The following STARD13 variants were observed in gnomAD, a reference collection of about 807,000 sequenced individuals.
STARD13 encodes StAR related lipid transfer domain containing 13, also known as stAR-related lipid transfer protein 13.
Under a neutral mutation model 106.4 loss-of-function variants are expected in STARD13, and 62 were observed. The observed-to-expected ratio is 0.58, with a 90% CI of 0.48 to 0.72. The LOEUF (loss-of-function observed/expected upper bound fraction) is 0.72, where lower values mean the gene tolerates loss of function less well. STARD13 is among the 30% of genes least tolerant of loss of function. The probability of loss-of-function intolerance (pLI) is 0.00; values close to 1 mark genes in which losing one functional copy is unlikely to be tolerated. For synonymous variants in STARD13, 565 were observed against 553.0 expected (o/e 1.02, Z -0.31); for missense variants, 1,387 against 1,424.0 (o/e 0.97, Z 0.42).
intron 1 of STARD13, among the ~76,000 whole-genome samples, chr13:33,211,906 A>G (rs1040469002): frequency 1.1e-4 from 17 of 152,160 alleles, no homozygotes; most frequent in Admixed American, 1.3e-4. Context: ...ATGTCTATAC[A>G]TACTTGTACA....
chr13:33,507,672 CTTAACTG>C, the STARD13 span, among the ~76,000 whole-genome samples: 2 of 152,172 alleles, frequency 1.3e-5, no homozygotes, highest in Non-Finnish European at 2.9e-5. Flanking sequence ...CCCAAGAAAA[CTTAACTG>C]TTAACACAGC....
the STARD13 span, among the ~76,000 whole-genome samples, chr13:33,591,010 A>C: frequency 6.6e-6 from 1 of 152,380 alleles, no homozygotes; most frequent in South Asian, 2.1e-4. Flanking sequence ...TTAAAATTTA[A>C]CATATGCAAC....
the STARD13 span, among the ~76,000 whole-genome samples, chr13:33,615,116 C>A: frequency 2.0e-5 from 3 of 152,268 alleles, no homozygotes; most frequent in African/African-American, 7.2e-5. Context: ...GAGGTAGAGT[C>A]AACAGAACTT....
At chr13:33,250,956 G>A (rs946494419) in intron 1 of STARD13, among the ~76,000 whole-genome samples, 1 of 152,108 alleles carries the variant, frequency 6.6e-6, no homozygotes, top group Non-Finnish European at 1.5e-5. Context: ...ACTATGCTTT[G>A]AATAAGTGAA....
intron 1 of STARD13, among the ~76,000 whole-genome samples, chr13:33,209,901 A>G (rs61941390): frequency 0.039 from 5,942 of 152,254 alleles, 162 homozygotes; most frequent in Non-Finnish European, 0.059. Flanking sequence ...TGAGCCTAGG[A>G]GGTGGAGGCT....
At chr13:33,313,841 C>CTTT (rs1893230834) in intron 1 of STARD13, among the ~76,000 whole-genome samples, 3 of 152,198 alleles carry the variant, frequency 2.0e-5, no homozygotes, top group African/African-American at 7.2e-5. Flanking sequence ...AAACCTCTTA[C>CTTT]TTTTGCCTAG....
chr13:33,662,611 C>G, the STARD13 span, among the ~76,000 whole-genome samples: 4 of 152,174 alleles, frequency 2.6e-5, no homozygotes, highest in Non-Finnish European at 4.4e-5. Context: ...GGTCACAAGC[C>G]AATCCAGTTC....
chr13:33,432,343 G>A, the STARD13 span, among the ~76,000 whole-genome samples: 4 of 152,070 alleles, frequency 2.6e-5, no homozygotes, highest in African/African-American at 7.2e-5. Context: ...TTAATAATTA[G>A]TTTCTAGAAA....
chr13:33,564,789 C>G, the STARD13 span, among the ~76,000 whole-genome samples: 1 of 145,950 alleles, frequency 6.9e-6, no homozygotes, highest in Non-Finnish European at 1.5e-5. Flanking sequence ...GTCAGGAGAT[C>G]GAGACCATCC....
chr13:33,606,315 G>C, the STARD13 span, among the ~76,000 whole-genome samples: 2 of 151,880 alleles, frequency 1.3e-5, no homozygotes, highest in Non-Finnish European at 2.9e-5. Context: ...AAGAAAAAAA[G>C]AAAAAATGCA....
the STARD13 span, among the ~76,000 whole-genome samples, chr13:33,406,587 C>T: frequency 6.6e-6 from 1 of 152,202 alleles, no homozygotes; most frequent in Non-Finnish European, 1.5e-5. Flanking sequence ...TGGCCAACAG[C>T]ACTGTAACTC....
chr13:33,171,704 G>A (rs983009555), intron 1 of STARD13, among the ~76,000 whole-genome samples: 1 of 152,202 alleles, frequency 6.6e-6, no homozygotes. Context: ...TGGTTGAAAA[G>A]GGAGATATCC....
At chr13:33,673,011 T>C in the STARD13 span, among the ~76,000 whole-genome samples, 1 of 152,206 alleles carries the variant, frequency 6.6e-6, no homozygotes, top group Non-Finnish European at 1.5e-5. Context: ...ATGCATAAGT[T>C]CCTTTTAGAG....
chr13:33,269,472 G>A (rs1594193134), intron 1 of STARD13, among the ~76,000 whole-genome samples: 4 of 152,152 alleles, frequency 2.6e-5, no homozygotes, highest in South Asian at 2.1e-4. Context: ...CAGACAGCCC[G>A]CTAAGACCAC....
chr13:33,547,625 T>C, the STARD13 span, among the ~76,000 whole-genome samples: 3 of 152,172 alleles, frequency 2.0e-5, no homozygotes, highest in Non-Finnish European at 2.9e-5. Flanking sequence ...GTAAAACCTT[T>C]AGGGTAGAGC....
chr13:33,165,265 C>T (rs930836905), intron 3 of STARD13, 72 bp downstream of exon 3: 271 of 1,151,088 alleles, frequency 2.4e-4, no homozygotes, highest in Middle Eastern at 1.1e-3. Context: ...TAGCTGAGCT[C>T]GCCCTTCAGT....
At chr13:33,529,826 T>C in the STARD13 span, among the ~76,000 whole-genome samples, 1 of 152,222 alleles carries the variant, frequency 6.6e-6, no homozygotes, top group South Asian at 2.1e-4. Context: ...GTTCAAAGAA[T>C]AGTGAGGATT....
rs773789279 is a variant in STARD13, at chr13:33,130,137, C to T, written c.540G>A (p.Thr180=). 16 of 1,614,116 alleles carry T rather than the reference C, an allele frequency of 9.9e-6. No homozygotes were observed. The highest frequency in any genetic ancestry group is 3.3e-5 in the Admixed American group (2 of 60,024). The change falls in exon 5 of 14, where the codon ACG becomes ACA. Residue 180 remains threonine, a synonymous_variant. Coordinates refer to ENST00000336934, the MANE Select transcript of STARD13 (RefSeq NM_178006.4). This position sits in a 1 kb window ranked among gnomAD's most constrained non-coding sequence, Gnocchi z 4.1. Reference sequence around the variant, plus strand: ...CTGTGAGGACGCTCTCACTGCTGGTCGTGTTCCTCATCCCCGTGCCTCCCG... The same window carrying T: ...CTGTGAGGACGCTCTCACTGCTGGTTGTGTTCCTCATCCCCGTGCCTCCCG... ...GSPGGTGMRN[T]TSSESVLTDL... is the part of the protein sequence containing the mutation.
At chr13:33,277,395 T>G (rs1365933917) in intron 1 of STARD13, 1 of 152,192 alleles carries the variant, frequency 6.6e-6, no homozygotes, top group Non-Finnish European at 1.5e-5. Flanking sequence ...CTAATTAGAA[T>G]TATCTACATA....
Sources: allele counts gnomAD v4.1 joint callset (sites outside exome capture counted in the v4.1 genomes callset), GRCh38; gene constraint gnomAD v4.1.1; non-coding constraint Gnocchi (gnomAD v3.1); transcripts MANE v1.5; gene names NCBI Gene and HGNC (gene_info 2026-07-23, HGNC 2026-07-21).